The following WDFY1 variants were observed in gnomAD, a reference collection of about 807,000 sequenced individuals.
WDFY1 encodes WD repeat and FYVE domain containing 1.
Under a neutral mutation model 56.4 loss-of-function variants are expected in WDFY1, and 32 were observed. That is an observed-to-expected ratio of 0.57 (90% CI 0.43 to 0.76). The LOEUF (loss-of-function observed/expected upper bound fraction) is 0.76. WDFY1 is among the 30% of genes least tolerant of loss of function. The probability of loss-of-function intolerance (pLI) is 0.00; values close to 1 mark genes in which losing one functional copy is unlikely to be tolerated. For missense variants in WDFY1, 480 were observed against 545.7 expected (o/e 0.88, Z 1.20); for synonymous variants, 192 against 197.3 (o/e 0.97, Z 0.23).
At chr2:223,885,752 A>T (rs1282971532) in intron 8 of WDFY1, among the ~76,000 whole-genome samples, 1 of 152,162 alleles carries the variant, frequency 6.6e-6, no homozygotes, top group Non-Finnish European at 1.5e-5. Context: ...AAGAGATCTG[A>T]CAAAACCCCA....
At chr2:223,929,050 A>C (rs1284829595) in intron 1 of WDFY1, among the ~76,000 whole-genome samples, 1 of 152,196 alleles carries the variant, frequency 6.6e-6, no homozygotes, top group East Asian at 1.9e-4. Context: ...AAGACATCAG[A>C]TGCAGAAGGA....
chr2:223,911,292 G>C (rs1397787462), intron 3 of WDFY1, among the ~76,000 whole-genome samples: 3 of 151,960 alleles, frequency 2.0e-5, no homozygotes, highest in Non-Finnish European at 2.9e-5. Flanking sequence ...GCAGGGAGGG[G>C]TGATGAAAAT....
intron 9 of WDFY1, 116 bp downstream of exon 9, chr2:223,884,532 T>C (rs1336740206): frequency 1.1e-6 from 1 of 910,624 alleles, no homozygotes; most frequent in East Asian, 2.4e-5. Flanking sequence ...ACATAGAAAA[T>C]GTAGGAATTA....
intron 9 of WDFY1, among the ~76,000 whole-genome samples, chr2:223,883,637 TTTTA>T (rs1318834941): frequency 3.3e-5 from 5 of 152,024 alleles, no homozygotes; most frequent in African/African-American, 1.2e-4. Flanking sequence ...ATTTTTTAGA[TTTTA>T]TTTATTAATT....
intron 6 of WDFY1, among the ~76,000 whole-genome samples, chr2:223,896,950 G>A (rs1021402570): frequency 1.3e-5 from 2 of 152,084 alleles, no homozygotes; most frequent in Non-Finnish European, 2.9e-5. Context: ...TGAAAAAACT[G>A]GCGAGCCTGG....
intron 1 of WDFY1, among the ~76,000 whole-genome samples, chr2:223,932,117 C>CTTT (rs35246074): frequency 0.022 from 2,046 of 94,000 alleles, 80 homozygotes; most frequent in African/African-American, 0.044. Flanking sequence ...GTATGAGTAC[C>CTTT]TTTTTTTTTT....
chr2:223,893,349 T>C (rs1215724875), intron 8 of WDFY1, among the ~76,000 whole-genome samples: 3 of 146,216 alleles, frequency 2.1e-5, no homozygotes, highest in African/African-American at 7.6e-5. Context: ...AGACCCTGTC[T>C]CTACCAAAAA....
intron 6 of WDFY1, among the ~76,000 whole-genome samples, chr2:223,896,968 G>C (rs1211733192): frequency 1.3e-5 from 2 of 152,136 alleles, no homozygotes; most frequent in Non-Finnish European, 2.9e-5. Flanking sequence ...TGGGGGTCAT[G>C]AGAGAATTAG....
chr2:223,933,004 GTC>G (rs1694105231), intron 1 of WDFY1, among the ~76,000 whole-genome samples: 1 of 151,946 alleles, frequency 6.6e-6, no homozygotes, highest in Non-Finnish European at 1.5e-5. Context: ...CTTCCAACGA[GTC>G]TCTGGAATTC....
chr2:223,924,883 G>GAAAT, intron 1 of WDFY1, among the ~76,000 whole-genome samples: 1 of 151,728 alleles, frequency 6.6e-6, no homozygotes, highest in Non-Finnish European at 1.5e-5. Context: ...TTGTAAATTA[G>GAAAT]AACTATTTGG....
rs1475471218 is a variant in WDFY1, at chr2:223,875,829, G to A, written c.*2842C>T. 7.2e-5 allele frequency: 11 copies of A among 152,082 alleles called. No individual in the cohort carries two copies. The highest frequency in any genetic ancestry group is 1.0e-4 in the Non-Finnish European group (7 of 68,010). The allele number at this position is 152,082 out of a possible 1,614,324, so 9.4% of individuals were successfully genotyped here. A position where few individuals can be genotyped will look rare whatever the true frequency, so the allele number is the denominator to read the frequency against. ...ACCATATCCAATAACGGAAGTAGAA[G>A]TACTTTAACGAAAACTGATTTTAGA... On this transcript the variant is annotated 3_prime_UTR_variant, in exon 12 of 12. Transcript: ENST00000233055.
intron 9 of WDFY1, among the ~76,000 whole-genome samples, chr2:223,883,803 A>G (rs630020): frequency 1 from 152,166 of 152,180 alleles, 76,076 homozygotes; most frequent in Non-Finnish European, 1. Context: ...CCGCCACCAC[A>G]CCCAGCTAAT....
chr2:223,920,179 G>A (rs577866430), intron 1 of WDFY1, among the ~76,000 whole-genome samples: 12 of 152,300 alleles, frequency 7.9e-5, no homozygotes, highest in Admixed American at 5.9e-4. Context: ...AAGACAACAG[G>A]TATGCGATTT....
At chr2:223,891,813 C>T (rs957708639) in intron 8 of WDFY1, among the ~76,000 whole-genome samples, 1 of 152,316 alleles carries the variant, frequency 6.6e-6, no homozygotes, top group Middle Eastern at 3.4e-3. Flanking sequence ...CAGCCTTTCT[C>T]TGAGTTTTCC....
At chr2:223,895,741 GTCTTT>G in intron 6 of WDFY1, 111 bp from the exon 7 acceptor site, 1 of 1,444,412 alleles carries the variant, frequency 6.9e-7, no homozygotes, top group Admixed American at 2.1e-5. Flanking sequence ...GAGCAGCTGA[GTCTTT>G]AAGCAAAAAG....
intron 1 of WDFY1, among the ~76,000 whole-genome samples, chr2:223,931,708 A>T (rs1194911480): frequency 6.8e-6 from 1 of 146,156 alleles, no homozygotes; most frequent in Non-Finnish European, 1.5e-5. Flanking sequence ...TTTTTTTGAG[A>T]CAGAGTCTTG....
intron 9 of WDFY1, among the ~76,000 whole-genome samples, chr2:223,883,707 G>A (rs954136782): frequency 3.9e-5 from 6 of 152,244 alleles, no homozygotes; most frequent in Non-Finnish European, 7.4e-5. Flanking sequence ...GTGCAGTGGC[G>A]TGATCTTGGC....
chr2:223,887,132 G>A (rs529440879), intron 8 of WDFY1, among the ~76,000 whole-genome samples: 23 of 152,292 alleles, frequency 1.5e-4, no homozygotes, highest in African/African-American at 5.1e-4. Context: ...TCTTGATATG[G>A]AATTACTTCT....
intron 1 of WDFY1, among the ~76,000 whole-genome samples, chr2:223,941,995 C>A: frequency 6.6e-6 from 1 of 152,120 alleles, no homozygotes; most frequent in African/African-American, 2.4e-5. Flanking sequence ...AACGCCAACC[C>A]CATCCTGGTC....
Sources: allele counts gnomAD v4.1 joint callset (sites outside exome capture counted in the v4.1 genomes callset), GRCh38; gene constraint gnomAD v4.1.1; transcripts MANE v1.5; gene names NCBI Gene and HGNC (gene_info 2026-07-23, HGNC 2026-07-21).